The following CSMD2 variants were observed in gnomAD, a reference collection of about 807,000 sequenced individuals.
CSMD2 encodes CUB and Sushi multiple domains 2.
Under a neutral mutation model 398.5 loss-of-function variants are expected in CSMD2, and 130 were observed. That is an observed-to-expected ratio of 0.33 (90% CI 0.28 to 0.38). CSMD2 has a LOEUF of 0.38. Among genes scored for constraint, CSMD2 ranks in the 10% least tolerant of loss-of-function variants. The probability of loss-of-function intolerance (pLI) is 1.00; values close to 1 mark genes in which losing one functional copy is unlikely to be tolerated. For synonymous variants in CSMD2, 1,828 were observed against 1,908.5 expected, an observed-to-expected ratio of 0.96 and a Z score of 1.10; for missense variants, 3,829 against 4,764.9, an observed-to-expected ratio of 0.80 and a Z score of 5.78.
At chr1:33,954,883 G>T (rs190976252) in intron 3 of CSMD2, among the ~76,000 whole-genome samples, 11 of 152,306 alleles carry the variant, frequency 7.2e-5, no homozygotes, top group Non-Finnish European at 1.0e-4. Context: ...TCTGGAGATG[G>T]ATGGCGGGGA....
chr1:33,944,686 C>T (rs1257250273), intron 3 of CSMD2, among the ~76,000 whole-genome samples: 1 of 152,058 alleles, frequency 6.6e-6, no homozygotes, highest in Admixed American at 6.5e-5. Flanking sequence ...GCTTAGCATT[C>T]TTCTATTTCA....
chr1:33,965,943 C>G (rs1645541225), intron 3 of CSMD2, among the ~76,000 whole-genome samples: 1 of 152,172 alleles, frequency 6.6e-6, no homozygotes, highest in African/African-American at 2.4e-5. Context: ...CAGTCTAATG[C>G]AGGATGCAGA....
chr1:33,971,796 T>C (rs1219703924), intron 3 of CSMD2, among the ~76,000 whole-genome samples: 2 of 152,182 alleles, frequency 1.3e-5, no homozygotes, highest in Non-Finnish European at 2.9e-5. Flanking sequence ...CCCTCCCAGC[T>C]TGGTTCCTCA....
At position 33,557,373 on chromosome 1, in the gene CSMD2, C is replaced by G. The variant is rs138340923; in HGVS notation, c.8743+361G>C. 5.9e-5 allele frequency among the ~76,000 whole-genome samples: 9 copies of G among 152,148 alleles called. No individual in the cohort carries two copies. The East Asian group carries it at 1.7e-3, about 29-fold the overall frequency. Reference sequence around the variant, plus strand: ...GGGAAGGGGTTCATGTGCTGTGTTTCTGGAAGGGCAAGGAAAAGGTAAAGT... The same window carrying G: ...GGGAAGGGGTTCATGTGCTGTGTTTGTGGAAGGGCAAGGAAAAGGTAAAGT... On this transcript the variant is annotated intron_variant, in intron 55 of 70. Coordinates refer to ENST00000373381, the MANE Select transcript of CSMD2 (RefSeq NM_001281956.2).
At chr1:33,957,076 C>T (rs906115399) in intron 3 of CSMD2, among the ~76,000 whole-genome samples, 1 of 151,960 alleles carries the variant, frequency 6.6e-6, no homozygotes, top group African/African-American at 2.4e-5. Context: ...CCTCCCCTCA[C>T]CACACAAATC....
At chr1:33,890,616 G>A (rs1190726322) in intron 5 of CSMD2, among the ~76,000 whole-genome samples, 1 of 151,830 alleles carries the variant, frequency 6.6e-6, no homozygotes, top group Admixed American at 6.6e-5. Context: ...GAACAAAGCT[G>A]GAGGCATCAT....
chr1:33,884,141 G>A (rs1570391078), intron 5 of CSMD2, among the ~76,000 whole-genome samples: 2 of 152,100 alleles, frequency 1.3e-5, no homozygotes, highest in South Asian at 4.2e-4. Context: ...AGGCTCCCAG[G>A]AAGTCCTAAT....
chr1:34,047,114 T>C (rs1026707332), intron 2 of CSMD2, among the ~76,000 whole-genome samples: 1 of 152,102 alleles, frequency 6.6e-6, no homozygotes, highest in African/African-American at 2.4e-5. Context: ...AAAGTCTTCA[T>C]AATGGTCTAA....
intron 5 of CSMD2, among the ~76,000 whole-genome samples, chr1:33,852,061 C>A (rs984145761): frequency 6.6e-6 from 1 of 152,160 alleles, no homozygotes; most frequent in Non-Finnish European, 1.5e-5. Context: ...CAAACCAAAG[C>A]TTTCCCCCAG....
chr1:34,072,626 G>C (rs562811108), intron 2 of CSMD2, among the ~76,000 whole-genome samples: 3 of 152,174 alleles, frequency 2.0e-5, no homozygotes, highest in Non-Finnish European at 4.4e-5. Context: ...CTGGCTCCAG[G>C]GGGTGTTAAA....
chr1:33,941,430 G>A (rs776624463), intron 3 of CSMD2, among the ~76,000 whole-genome samples: 11 of 152,124 alleles, frequency 7.2e-5, no homozygotes, highest in African/African-American at 1.2e-4. Context: ...ATGGCCATAC[G>A]ATTGATACCA....
chr1:33,725,332 A>T lies in CSMD2; in HGVS notation c.2695+17T>A. 1.9e-6 allele frequency: 3 copies of T among 1,611,478 alleles called. 1 individual carries two copies. The South Asian group carries it at 3.3e-5, about 18-fold the overall frequency. On this transcript the variant is annotated intron_variant, in intron 17 of 70. Coordinates refer to ENST00000373381, the MANE Select transcript of CSMD2 (RefSeq NM_001281956.2). Reference sequence around the variant, plus strand: ...GCTGACCTTGTCATCCCTTTTCCTGAGCCCACTGAGACTCACTCTCATAGC... The same window carrying T: ...GCTGACCTTGTCATCCCTTTTCCTGTGCCCACTGAGACTCACTCTCATAGC...
intron 10 of CSMD2, among the ~76,000 whole-genome samples, chr1:33,804,450 G>T (rs188571833): frequency 6.6e-6 from 1 of 152,236 alleles, no homozygotes; most frequent in East Asian, 1.9e-4. Flanking sequence ...CTGTTGACAT[G>T]TCACTTCCTT....
intron 22 of CSMD2, among the ~76,000 whole-genome samples, chr1:33,706,783 T>C (rs1645793761): frequency 6.6e-6 from 1 of 151,718 alleles, no homozygotes; most frequent in Admixed American, 6.6e-5. Flanking sequence ...TGTGTGTGCA[T>C]GTACGTGTGT....
At chr1:34,139,453 T>C (rs1382020421) in intron 1 of CSMD2, among the ~76,000 whole-genome samples, 1 of 152,248 alleles carries the variant, frequency 6.6e-6, no homozygotes, top group Admixed American at 6.5e-5. Context: ...TTCCTTTTCT[T>C]TATAAATTAT....
At chr1:33,809,064 C>T (rs887277476) in intron 10 of CSMD2, among the ~76,000 whole-genome samples, 2 of 151,588 alleles carry the variant, frequency 1.3e-5, no homozygotes, top group Admixed American at 6.6e-5. Context: ...AAGGAGACAC[C>T]AGACCACGAT....
chr1:33,996,946 C>T (rs1171173906), intron 3 of CSMD2, among the ~76,000 whole-genome samples: 1 of 152,144 alleles, frequency 6.6e-6, no homozygotes, highest in East Asian at 1.9e-4. Flanking sequence ...ATTTAACCTG[C>T]AGAATAATCC....
At chr1:33,889,227 G>A (rs1279782753) in intron 5 of CSMD2, among the ~76,000 whole-genome samples, 3 of 152,048 alleles carry the variant, frequency 2.0e-5, no homozygotes, top group Non-Finnish European at 4.4e-5. Context: ...TCCTATAAAT[G>A]AATAGGAAAA....
chr1:33,725,260 C>T, intron 17 of CSMD2, 89 bp downstream of exon 17: 7 of 1,116,058 alleles, frequency 6.3e-6, no homozygotes, highest in Non-Finnish European at 9.4e-6. Context: ...TGGGGCCAAG[C>T]AGGGGCCTGT....
Sources: gnomAD v4.1 joint callset for allele counts (sites outside exome capture counted in the v4.1 genomes callset) on GRCh38, gnomAD v4.1.1 for gene constraint, MANE v1.5 for transcripts, NCBI Gene and HGNC (gene_info 2026-07-23, HGNC 2026-07-21) for gene names.